The following SUGCT variants were observed in gnomAD, a reference collection of about 807,000 sequenced individuals.
SUGCT encodes succinyl-CoA:glutarate-CoA transferase.
SUGCT carries 41 observed loss-of-function variants against 55.0 expected under a neutral mutation model. The ratio of observed to expected loss-of-function variants is 0.74; its 90% CI spans 0.58 to 0.97. The LOEUF is 0.97. Ranked by LOEUF, SUGCT falls within the 50% of genes least tolerant of loss-of-function variation. The probability of loss-of-function intolerance (pLI) is 0.00; values close to 1 mark genes in which losing one functional copy is unlikely to be tolerated. For synonymous variants in SUGCT, 187 were observed against 200.4 expected (o/e 0.93, Z 0.56); for missense variants, 568 against 547.8 (o/e 1.04, Z -0.37).
At chr7:40,974,059 G>C in the SUGCT span, among the ~76,000 whole-genome samples, 1 of 152,178 alleles carries the variant, frequency 6.6e-6, no homozygotes, top group Non-Finnish European at 1.5e-5. Context: ...AAGAATTCTG[G>C]CTACTGCATT....
intron 9 of SUGCT, among the ~76,000 whole-genome samples, chr7:40,423,953 T>C (rs1466374838): frequency 6.6e-6 from 1 of 152,090 alleles, no homozygotes; most frequent in Non-Finnish European, 1.5e-5. Context: ...TTTGACAAAA[T>C]ATTTGTTATG....
chr7:40,960,368 G>T, the SUGCT span, among the ~76,000 whole-genome samples: 1 of 152,094 alleles, frequency 6.6e-6, no homozygotes, highest in Non-Finnish European at 1.5e-5. Context: ...AGTGTTTTGT[G>T]TCCCCACAGG....
intron 13 of SUGCT, among the ~76,000 whole-genome samples, chr7:40,776,675 C>G (rs952940568): frequency 1.1e-4 from 16 of 152,220 alleles, no homozygotes; most frequent in African/African-American, 3.9e-4. Flanking sequence ...TCTTTGTGCT[C>G]TAGGCTCACA....
intron 12 of SUGCT, among the ~76,000 whole-genome samples, chr7:40,664,862 C>G (rs1330298628): frequency 6.6e-6 from 1 of 151,620 alleles, no homozygotes; most frequent in Non-Finnish European, 1.5e-5. Flanking sequence ...TGCCTGTAGT[C>G]CCAGCTGCTC....
chr7:40,581,396 G>T (rs780410877), intron 12 of SUGCT, among the ~76,000 whole-genome samples: 3 of 152,078 alleles, frequency 2.0e-5, no homozygotes, highest in Non-Finnish European at 4.4e-5. Flanking sequence ...TCCATTTCAG[G>T]GTTTCCAGAA....
At chr7:40,973,853 G>A in the SUGCT span, among the ~76,000 whole-genome samples, 2,112 of 152,166 alleles carry the variant, frequency 0.014, 54 homozygotes, top group African/African-American at 0.048. Flanking sequence ...ACAGTATTTT[G>A]TTTTCCTTCT....
the SUGCT span, among the ~76,000 whole-genome samples, chr7:40,893,133 A>G: frequency 6.6e-6 from 1 of 152,174 alleles, no homozygotes; most frequent in East Asian, 1.9e-4. Flanking sequence ...AGACATAACA[A>G]TTATAAATAT....
chr7:40,263,734 A>G (rs1187933922), intron 7 of SUGCT, among the ~76,000 whole-genome samples: 1 of 152,226 alleles, frequency 6.6e-6, no homozygotes. Flanking sequence ...GGCACTTACA[A>G]GGGATCTGGA....
Position 40,302,574 on chromosome 7 carries a change from C to G in SUGCT, c.721-14186C>G, listed in dbSNP as rs144889135. On this transcript the variant is annotated intron_variant, in intron 8 of 13. Transcript: ENST00000335693. ...AATTTCTCAGCAGGACCTCAGAGGT[C>G]TTTTCCAAGCTCATTTAGATTGTTG... Among the ~76,000 whole-genome samples the G allele has an allele frequency of 4.8e-3, 737 of 152,238 alleles. 1 individual carries two copies. Among genetic ancestry groups the G allele is most frequent in the Admixed American group, 0.01 (158 of 15,302 alleles).
chr7:40,340,384 A>T (rs1046119106), intron 9 of SUGCT, among the ~76,000 whole-genome samples: 3 of 152,030 alleles, frequency 2.0e-5, no homozygotes, highest in African/African-American at 7.3e-5. Flanking sequence ...TAAAAAAAAA[A>T]CCCTATCACA....
At chr7:41,023,481 T>G in the SUGCT span, among the ~76,000 whole-genome samples, 1 of 151,168 alleles carries the variant, frequency 6.6e-6, no homozygotes, top group Non-Finnish European at 1.5e-5. Flanking sequence ...AAAGAAAAAA[T>G]AAAAATATAT....
At chr7:40,803,931 T>C (rs188007070) in intron 13 of SUGCT, among the ~76,000 whole-genome samples, 96 of 152,280 alleles carry the variant, frequency 6.3e-4, no homozygotes, top group African/African-American at 2.2e-3. Flanking sequence ...GAGGAAACGA[T>C]TTATATTACT....
rs780001227 is a variant in SUGCT at position 40,326,216 on chromosome 7, C to G, written c.816+9361C>G. Among the ~76,000 whole-genome samples, 24 of 152,006 alleles carry G rather than the reference C, an allele frequency of 1.6e-4. 1 individual carries two copies. The highest frequency in any genetic ancestry group is 8.8e-5 in the Non-Finnish European group (6 of 68,002). ...ACTGGGCCCTTGATTTCAAGGGACT[C>G]AAAGGCAATATAGCAGGGAAAGTTG... On this transcript the variant is annotated intron_variant, in intron 9 of 13. Transcript: ENST00000335693.
Position 40,749,500 on chromosome 7 carries a change from C to A in SUGCT, c.1153+3C>A. On this transcript the variant is annotated splice_donor_region_variant and intron_variant, in intron 13 of 13. Transcript: ENST00000335693. ...TGTGGGGAAGATTTCCGTCCCAGGT[C>A]TGAAAAGTTTTGGTATTTTCTCTAG... 6.2e-7 allele frequency: 1 copy of A among 1,612,872 alleles called. No homozygotes were observed. Among genetic ancestry groups the A allele is most frequent in the Non-Finnish European group, 8.5e-7 (1 of 1,178,940 alleles).
intron 3 of SUGCT, among the ~76,000 whole-genome samples, chr7:40,187,281 G>A (rs1320854593): frequency 1.3e-5 from 2 of 152,144 alleles, no homozygotes; most frequent in Non-Finnish European, 2.9e-5. Flanking sequence ...ACCGGGGCCT[G>A]TCGTGGGGTG....
At chr7:40,842,185 A>T (rs1211688500) in intron 13 of SUGCT, among the ~76,000 whole-genome samples, 1 of 152,086 alleles carries the variant, frequency 6.6e-6, no homozygotes, top group African/African-American at 2.4e-5. Flanking sequence ...TTATTATATG[A>T]AATTTGCAAC....
intron 1 of SUGCT, among the ~76,000 whole-genome samples, chr7:40,172,245 G>T (rs1399982576): frequency 6.6e-6 from 1 of 152,150 alleles, no homozygotes; most frequent in Admixed American, 6.5e-5. Context: ...GGGGAAGCTG[G>T]GTAGAAATTG....
At chr7:40,402,911 T>C (rs1247290573) in intron 9 of SUGCT, among the ~76,000 whole-genome samples, 6 of 152,208 alleles carry the variant, frequency 3.9e-5, no homozygotes, top group Non-Finnish European at 5.9e-5. Flanking sequence ...CTGTCTTCCA[T>C]GTATTTAGGT....
At chr7:40,239,925 T>C (rs1237134510) in intron 7 of SUGCT, among the ~76,000 whole-genome samples, 4 of 152,210 alleles carry the variant, frequency 2.6e-5, no homozygotes, top group Non-Finnish European at 4.4e-5. Flanking sequence ...CCGCATCTGT[T>C]TCCTACTGTA....
Sources: allele counts gnomAD v4.1 joint callset (sites outside exome capture counted in the v4.1 genomes callset), GRCh38; gene constraint gnomAD v4.1.1; transcripts MANE v1.5; gene names NCBI Gene and HGNC (gene_info 2026-07-23, HGNC 2026-07-21).